Variants in ANKHD1 observed in about 807,000 individuals in gnomAD.
The protein encoded by ANKHD1 is ankyrin repeat and KH domain containing 1.
A neutral mutation model predicts 230.5 loss-of-function variants in ANKHD1; 31 were observed. That is an observed-to-expected ratio of 0.13 (90% CI 0.10 to 0.18). ANKHD1 has a LOEUF of 0.18. Among genes scored for constraint, ANKHD1 ranks in the 10% least tolerant of loss-of-function variants. The probability of loss-of-function intolerance (pLI) is 1.00; values close to 1 mark genes in which losing one functional copy is unlikely to be tolerated. For missense variants in ANKHD1, 2,256 were observed against 3,071.3 expected (o/e 0.73, Z 6.27); for synonymous variants, 1,074 against 1,117.6 (o/e 0.96, Z 0.78).
At chr5:140,478,855 G>T (rs1335779669) in intron 10 of ANKHD1, among the ~76,000 whole-genome samples, 19 of 152,082 alleles carry the variant, frequency 1.2e-4, no homozygotes, top group Admixed American at 1.2e-3. Context: ...TGTTGGTCAG[G>T]CTGGTCTGGA....
intron 24 of ANKHD1, among the ~76,000 whole-genome samples, chr5:140,518,272 G>A (rs1002318183): frequency 6.6e-5 from 10 of 152,056 alleles, no homozygotes; most frequent in Non-Finnish European, 1.3e-4. Context: ...CCAAGAACAG[G>A]AGCTGAAATT....
chr5:140,496,794 A>C lies in ANKHD1; in HGVS notation c.2520A>C (p.Lys840Asn). The C allele has an allele frequency of 1.9e-6, 3 of 1,614,074 alleles. No individual in the cohort carries two copies. The highest frequency in any genetic ancestry group is 2.5e-6 in the Non-Finnish European group (3 of 1,180,022). Residue 840 changes from lysine (K) to asparagine (N), a missense_variant, in exon 15 of 34, where the codon AAA becomes AAC. Lys to Asn is a moderately conservative substitution (Grantham distance 94). Around this residue, in one of 13 missense-constraint regions of ANKHD1, gnomAD observed 358 missense variants for 397.7 expected, o/e 0.90. Transcript: ENST00000360839. Reference sequence around the variant, plus strand: ...AGAAAATATTGAAAGAACTGCAGAAAGTGGAAAGGCAGTTGCAGATGAAAA... The same window carrying C: ...AGAAAATATTGAAAGAACTGCAGAACGTGGAAAGGCAGTTGCAGATGAAAA... ...KKKKILKELQKVERQLQMKTQ... is the reference protein window; with the variant it reads ...KKKKILKELQNVERQLQMKTQ...
chr5:140,487,264 C>T (rs968887568), intron 14 of ANKHD1, among the ~76,000 whole-genome samples: 2 of 152,094 alleles, frequency 1.3e-5, no homozygotes, highest in African/African-American at 4.8e-5. Context: ...TGTTAACATA[C>T]TGATAGTTGT....
intron 14 of ANKHD1, among the ~76,000 whole-genome samples, chr5:140,493,391 G>A (rs907679289): frequency 2.6e-5 from 4 of 152,126 alleles, no homozygotes; most frequent in African/African-American, 9.7e-5. Context: ...AGTACTTTAT[G>A]ATATCATTCA....
chr5:140,403,657 G>A (rs1227666488), intron 1 of ANKHD1, among the ~76,000 whole-genome samples: 3 of 151,996 alleles, frequency 2.0e-5, no homozygotes, highest in Admixed American at 6.6e-5. Flanking sequence ...GATCCCAAGG[G>A]GCGGTATTTT....
intron 21 of ANKHD1, 31 bp downstream of exon 21, chr5:140,509,843 C>T (rs1264453536): frequency 6.3e-7 from 1 of 1,583,570 alleles, no homozygotes; most frequent in East Asian, 2.2e-5. Flanking sequence ...TGTAGAACTT[C>T]TCATGGTCAT....
chr5:140,482,770 G>A, intron 11 of ANKHD1, 103 bp downstream of exon 11: 1 of 1,236,312 alleles, frequency 8.1e-7, no homozygotes, highest in Non-Finnish European at 1.1e-6. Context: ...CTACAGTAAA[G>A]TATTGTATTC....
intron 5 of ANKHD1, among the ~76,000 whole-genome samples, chr5:140,441,981 C>T (rs1048792915): frequency 6.6e-6 from 1 of 150,414 alleles, no homozygotes; most frequent in African/African-American, 2.5e-5. Context: ...AGTGTTTACC[C>T]TATAGGGTTT....
At chr5:140,421,616 G>A (rs150355049) in intron 1 of ANKHD1, among the ~76,000 whole-genome samples, 16 of 152,164 alleles carry the variant, frequency 1.1e-4, no homozygotes, top group African/African-American at 2.2e-4. Flanking sequence ...TTTGCATCTC[G>A]TAACACCTGC....
intron 1 of ANKHD1, among the ~76,000 whole-genome samples, chr5:140,424,071 C>T (rs1449229060): frequency 1.3e-5 from 2 of 152,208 alleles, no homozygotes; most frequent in Non-Finnish European, 2.9e-5. Context: ...ATCTTTCCAA[C>T]TATATCCTTA....
chr5:140,466,794 A>G (rs1229595497), intron 10 of ANKHD1, among the ~76,000 whole-genome samples: 1 of 152,154 alleles, frequency 6.6e-6, no homozygotes, highest in African/African-American at 2.4e-5. Flanking sequence ...AAAATACAAA[A>G]AAATTAGCCG....
At chr5:140,532,612 T>C (rs2127094612) in intron 29 of ANKHD1, among the ~76,000 whole-genome samples, 1 of 152,248 alleles carries the variant, frequency 6.6e-6, no homozygotes, top group Non-Finnish European at 1.5e-5. Context: ...TCAGAGTTTC[T>C]TTTTAGGATA....
intron 1 of ANKHD1, among the ~76,000 whole-genome samples, chr5:140,432,648 A>G (rs1018635255): frequency 6.6e-6 from 1 of 152,220 alleles, no homozygotes; most frequent in Admixed American, 6.5e-5. Flanking sequence ...AAGAACTGTC[A>G]AACTGTTTCC....
intron 14 of ANKHD1, 69 bp from the exon 15 acceptor site, chr5:140,496,451 T>C (rs1466048993): frequency 7.7e-6 from 9 of 1,162,980 alleles, no homozygotes; most frequent in African/African-American, 4.8e-5. Context: ...TTCTTTTTTT[T>C]TTTTCTTTTC....
chr5:140,468,415 G>A (rs977575815), intron 10 of ANKHD1, among the ~76,000 whole-genome samples: 1 of 152,212 alleles, frequency 6.6e-6, no homozygotes, highest in South Asian at 2.1e-4. Context: ...TCCAAAAATA[G>A]TTGAGCAATT....
chr5:140,423,115 T>C (rs1772132684), intron 1 of ANKHD1, among the ~76,000 whole-genome samples: 2 of 152,118 alleles, frequency 1.3e-5, no homozygotes, highest in South Asian at 2.1e-4. Context: ...CTAGGGTAGT[T>C]TGGAAGTTCT....
intron 29 of ANKHD1, among the ~76,000 whole-genome samples, chr5:140,530,919 GAT>G (rs1307527338): frequency 6.6e-6 from 1 of 152,194 alleles, no homozygotes; most frequent in Non-Finnish European, 1.5e-5. Flanking sequence ...TTTCATTTCA[GAT>G]ATGTTTCCAT....
At chr5:140,531,798 A>T (rs866780197) in intron 29 of ANKHD1, among the ~76,000 whole-genome samples, 1 of 152,236 alleles carries the variant, frequency 6.6e-6, no homozygotes, top group Non-Finnish European at 1.5e-5. Context: ...ACCAATGTTC[A>T]TAGCAACATT....
chr5:140,496,472 T>A (rs1344554520), intron 14 of ANKHD1, 48 bp from the exon 15 acceptor site: 2 of 1,074,404 alleles, frequency 1.9e-6, no homozygotes. Flanking sequence ...TTTTTTTTTT[T>A]TTTTTTTTTT....
Sources: allele counts gnomAD v4.1 joint callset (sites outside exome capture counted in the v4.1 genomes callset), GRCh38; gene constraint gnomAD v4.1.1; regional missense constraint gnomAD v4.1.1; transcripts MANE v1.5; gene names NCBI Gene and HGNC (gene_info 2026-07-23, HGNC 2026-07-21).